Variants in ATP8A2 observed in about 807,000 individuals in gnomAD.
ATP8A2 encodes the protein ATPase phospholipid transporting 8A2.
A neutral mutation model predicts 165.6 loss-of-function variants in ATP8A2; 100 were observed. That is an observed-to-expected ratio of 0.60 (90% CI 0.51 to 0.71). The LOEUF is 0.71. Among genes scored for constraint, ATP8A2 ranks in the 30% least tolerant of loss-of-function variants. The probability of loss-of-function intolerance (pLI) is 0.00; values close to 1 mark genes in which losing one functional copy is unlikely to be tolerated. For synonymous variants in ATP8A2, 543 were observed against 548.8 expected (o/e 0.99, Z 0.15); for missense variants, 1,227 against 1,479.5 (o/e 0.83, Z 2.80).
At chr13:25,726,034 T>C (rs1397723929) in intron 25 of ATP8A2, among the ~76,000 whole-genome samples, 1 of 152,232 alleles carries the variant, frequency 6.6e-6, no homozygotes, top group African/African-American at 2.4e-5. Flanking sequence ...CTTTAGTATG[T>C]AGATAGACAC....
intron 26 of ATP8A2, among the ~76,000 whole-genome samples, chr13:25,774,096 C>T (rs139293743): frequency 1.1e-3 from 173 of 152,048 alleles, no homozygotes; most frequent in African/African-American, 4.0e-3. Flanking sequence ...AGTAGCTCAC[C>T]TTTGTTTAAT....
At chr13:25,500,406 A>C (rs1208777172) in intron 2 of ATP8A2, among the ~76,000 whole-genome samples, 1 of 152,204 alleles carries the variant, frequency 6.6e-6, no homozygotes, top group Admixed American at 6.5e-5. Flanking sequence ...AAACTTACTA[A>C]AGGTTTTAAA....
intron 35 of ATP8A2, among the ~76,000 whole-genome samples, chr13:25,987,411 A>G (rs774242782): frequency 2.0e-5 from 3 of 152,236 alleles, no homozygotes; most frequent in East Asian, 3.8e-4. Context: ...TGCCAGAAAT[A>G]CTGGGAAGGT....
chr13:25,948,862 G>C (rs1171251658), intron 33 of ATP8A2, among the ~76,000 whole-genome samples: 1 of 152,196 alleles, frequency 6.6e-6, no homozygotes, highest in Non-Finnish European at 1.5e-5. Context: ...TGTGGTTTAA[G>C]TCACCCGGTC....
At chr13:26,019,839 TC>T (rs769562947) in intron 36 of ATP8A2, 48 bp from the exon 37 acceptor site, 43 of 1,353,084 alleles carry the variant, frequency 3.2e-5, no homozygotes, top group South Asian at 2.1e-4. Flanking sequence ...CCTAGTGTGC[TC>T]CCCCAATTCT....
chr13:25,530,780 C>CCT, intron 4 of ATP8A2, 120 bp downstream of exon 4: 1 of 644,282 alleles, frequency 1.6e-6, no homozygotes, highest in South Asian at 1.8e-5. Flanking sequence ...CCTCTTTAGA[C>CCT]ACCTGATGGT....
chr13:25,509,740 A>G (rs1443598334), intron 2 of ATP8A2, among the ~76,000 whole-genome samples: 2 of 152,206 alleles, frequency 1.3e-5, no homozygotes, highest in Non-Finnish European at 2.9e-5. Flanking sequence ...ATTTCTGGGT[A>G]AACTAATGAG....
chr13:25,531,271 G>C (rs1216832223), intron 4 of ATP8A2, among the ~76,000 whole-genome samples: 1 of 98,998 alleles, frequency 1.0e-5, no homozygotes, highest in Non-Finnish European at 2.0e-5. Context: ...TGATATATAT[G>C]ATATATATGT....
chr13:25,741,170 A>T (rs965178013), intron 25 of ATP8A2, among the ~76,000 whole-genome samples: 1 of 152,234 alleles, frequency 6.6e-6, no homozygotes, highest in Non-Finnish European at 1.5e-5. Flanking sequence ...AATCATCACC[A>T]ATTCTCAAAA....
intron 24 of ATP8A2, among the ~76,000 whole-genome samples, chr13:25,649,944 C>T (rs1036815194): frequency 6.6e-6 from 1 of 152,084 alleles, no homozygotes; most frequent in African/African-American, 2.4e-5. Flanking sequence ...TGCTTTGTTT[C>T]CACCTGACCC....
intron 33 of ATP8A2, among the ~76,000 whole-genome samples, chr13:25,886,622 C>T (rs1437157667): frequency 2.0e-5 from 3 of 152,332 alleles, no homozygotes; most frequent in South Asian, 2.1e-4. Flanking sequence ...CCTCTGAGAG[C>T]GCGGCTTCGT....
At position 25,442,751 on chromosome 13, in the gene ATP8A2, T is replaced by G. The variant is rs1182528136; in HGVS notation, c.77-26226T>G. Among the ~76,000 whole-genome samples, 3 of 152,224 alleles carry G rather than the reference T, an allele frequency of 2.0e-5. No homozygotes were observed. In the East Asian group the frequency reaches 5.8e-4, roughly 29 times the overall value. On this transcript the variant is annotated intron_variant, in intron 1 of 36. Transcript: ENST00000381655. ...CATTTCCCTGAGTATTAGTTCATGT[T>G]GAGCATCTTTTCATGTGCTTTTTGG...
At chr13:25,589,451 C>T (rs1469121351) in intron 23 of ATP8A2, among the ~76,000 whole-genome samples, 184 bp from the exon 24 acceptor site, 2 of 152,162 alleles carry the variant, frequency 1.3e-5, no homozygotes, top group Non-Finnish European at 2.9e-5. Context: ...AAAGACATTC[C>T]CAACTAGTTC....
intron 24 of ATP8A2, among the ~76,000 whole-genome samples, chr13:25,621,508 T>C (rs61947477): frequency 0.038 from 5,819 of 152,328 alleles, 134 homozygotes; most frequent in Non-Finnish European, 0.052. Flanking sequence ...AGAGGTGTTA[T>C]CTGCAGAGAC....
intron 33 of ATP8A2, among the ~76,000 whole-genome samples, chr13:25,942,106 GT>G (rs1208037052): frequency 1.3e-5 from 2 of 152,024 alleles, no homozygotes; most frequent in Non-Finnish European, 2.9e-5. Flanking sequence ...AAAAACAACT[GT>G]TTTTGAAGTT....
intron 30 of ATP8A2, among the ~76,000 whole-genome samples, chr13:25,847,135 TG>T (rs1303258908): frequency 5.9e-5 from 9 of 152,224 alleles, no homozygotes; most frequent in African/African-American, 1.9e-4. Flanking sequence ...CAGAGTGTGG[TG>T]GAAGTTCATA....
chr13:25,443,713 A>G (rs975754019), intron 1 of ATP8A2, among the ~76,000 whole-genome samples: 1 of 152,124 alleles, frequency 6.6e-6, no homozygotes, highest in African/African-American at 2.4e-5. Context: ...TACTGCATAA[A>G]TTATTTGTTT....
intron 24 of ATP8A2, among the ~76,000 whole-genome samples, chr13:25,658,879 G>C (rs1033773978): frequency 1.3e-5 from 2 of 152,158 alleles, no homozygotes; most frequent in African/African-American, 4.8e-5. Context: ...ATTACAAAGA[G>C]TCAATAAACT....
chr13:25,531,281 TTATATATGATATATATGTTATATATG>T (rs1566229389), intron 4 of ATP8A2, among the ~76,000 whole-genome samples: 2 of 27,578 alleles, frequency 7.3e-5, no homozygotes, highest in African/African-American at 1.8e-4. Context: ...GATATATATG[TTATATATGATATATATGTTATATATG>T]ATATATATGT....
Sources: gnomAD v4.1 joint callset for allele counts (sites outside exome capture counted in the v4.1 genomes callset) on GRCh38, gnomAD v4.1.1 for gene constraint, MANE v1.5 for transcripts, NCBI Gene and HGNC (gene_info 2026-07-23, HGNC 2026-07-21) for gene names.